Variants in RYR1 observed in about 807,000 individuals in gnomAD.
The protein encoded by RYR1 is ryanodine receptor 1.
Under a neutral mutation model 583.5 loss-of-function variants are expected in RYR1, and 342 were observed. The observed-to-expected ratio is 0.59, with a 90% CI of 0.54 to 0.64. The LOEUF (loss-of-function observed/expected upper bound fraction) is 0.64. Among genes scored for constraint, RYR1 ranks in the 30% least tolerant of loss-of-function variants. The pLI is 0.00. For missense variants in RYR1, 6,032 were observed against 6,917.2 expected (o/e 0.87, Z 4.54); for synonymous variants, 2,791 against 2,822.5 (o/e 0.99, Z 0.35).
At chr19:38,585,369 G>GATAGATAGATATATATATATATATATAT (rs1890244817) in intron 102 of RYR1, among the ~76,000 whole-genome samples, 1 of 141,066 alleles carries the variant, frequency 7.1e-6, no homozygotes, top group African/African-American at 2.6e-5. Context: ...AAAGGCCTGA[G>GATAGATAGATATATATATATATATATAT]ATATATATAT....
chr19:38,515,137 G>T, intron 64 of RYR1, 30 bp downstream of exon 64: 1 of 1,467,588 alleles, frequency 6.8e-7, no homozygotes, highest in South Asian at 1.1e-5. Flanking sequence ...GTTTGGGGCT[G>T]GGTGGGGCTG....
rs1442891066 is a variant in RYR1, at chr19:38,572,069, G to A, written c.13797G>A (p.Gly4599=). ...ACGACATGGAAGGCTCAGCTGCTGGGGATGTGTCAGGTGCAGGCTCTGGTG... is the reference window on the plus strand; with the variant it reads ...ACGACATGGAAGGCTCAGCTGCTGGAGATGTGTCAGGTGCAGGCTCTGGTG... ...GEDDMEGSAA[G]DVSGAGSGGS... Residue 4599 remains glycine (G), a synonymous_variant, in exon 95 of 106, where the codon GGG becomes GGA. Transcript: ENST00000359596. 1.9e-6 allele frequency: 3 copies of A among 1,614,028 alleles called. No individual in the cohort carries two copies. The highest frequency in any genetic ancestry group is 3.3e-5 in the Admixed American group (2 of 59,988).
At chr19:38,538,422 T>A (rs1972067887) in intron 84 of RYR1, 1 of 178,560 alleles carries the variant, frequency 5.6e-6, no homozygotes, top group Non-Finnish European at 1.2e-5. Context: ...CGCTGGAATT[T>A]CTGGAATCTA....
At chr19:38,551,653 C>T (rs1313401124) in intron 89 of RYR1, among the ~76,000 whole-genome samples, 1 of 152,148 alleles carries the variant, frequency 6.6e-6, no homozygotes, top group Non-Finnish European at 1.5e-5. Flanking sequence ...CATCAGTGAC[C>T]TCTTTACCTC....
chr19:38,487,265 C>T (rs1376270682), intron 34 of RYR1, among the ~76,000 whole-genome samples: 4 of 152,178 alleles, frequency 2.6e-5, no homozygotes, highest in African/African-American at 9.7e-5. Flanking sequence ...CGTTCCCTAT[C>T]CTTCTCTCCA....
intron 93 of RYR1, among the ~76,000 whole-genome samples, chr19:38,568,511 G>A (rs1329678366): frequency 1.3e-5 from 2 of 151,136 alleles, no homozygotes; most frequent in Non-Finnish European, 1.5e-5. Flanking sequence ...CGAGGCAGGC[G>A]GATCGCCTGA....
intron 11 of RYR1, among the ~76,000 whole-genome samples, 153 bp downstream of exon 11, chr19:38,448,966 T>C (rs1349434947): frequency 6.6e-6 from 1 of 151,330 alleles, no homozygotes; most frequent in Non-Finnish European, 1.5e-5. Context: ...GGGGTGGTGC[T>C]TGAGACCTTG....
chr19:38,467,425 G>T (rs1968168017), intron 24 of RYR1, among the ~76,000 whole-genome samples, 185 bp from the exon 25 acceptor site: 1 of 152,058 alleles, frequency 6.6e-6, no homozygotes, highest in Non-Finnish European at 1.5e-5. Flanking sequence ...CTCTCAACAG[G>T]TCCCTGCCTC....
Position 38,526,482 on chromosome 19 carries a change from G to A in RYR1, c.10627-511G>A, listed in dbSNP as rs116190763. ...CAGGACTGCTGAGTCCTGCCAGGACGCCAGAGAGCCCTCCAGGGCTCCATG... is the reference window on the plus strand; with the variant it reads ...CAGGACTGCTGAGTCCTGCCAGGACACCAGAGAGCCCTCCAGGGCTCCATG... On this transcript the variant is annotated intron_variant, in intron 71 of 105. Coordinates refer to ENST00000359596, the MANE Select transcript of RYR1 (RefSeq NM_000540.3). 5.0e-3 allele frequency among the ~76,000 whole-genome samples: 761 copies of A among 151,746 alleles called. 5 individuals are homozygous for A. The highest frequency in any genetic ancestry group is 0.018 in the African/African-American group (726 of 41,340).
At chr19:38,535,796 T>C in intron 81 of RYR1, 1 of 649,194 alleles carries the variant, frequency 1.5e-6, no homozygotes, top group Non-Finnish European at 2.8e-6. Flanking sequence ...CCTCATTATT[T>C]CAGCTTGCGC....
Position 38,477,887 on chromosome 19 carries a change from G to GGT in RYR1, c.4454+17_4454+18insGT. On this transcript the variant is annotated intron_variant, in intron 30 of 105. Transcript: ENST00000359596. ...CCACAGCAGGTGCCGGGGCTGGGGG[G>GGT]AGGTGGGAGGTGCAGGGTGGGGAGG... 1 of 1,366,496 alleles carries GGT rather than the reference G, an allele frequency of 7.3e-7. No homozygotes were observed. Among genetic ancestry groups the GGT allele is most frequent in the Non-Finnish European group, 1.0e-6 (1 of 974,418 alleles). 84.6% of individuals were successfully genotyped at this position (1,366,496 alleles called of 1,614,324 possible). A position where few individuals can be genotyped will look rare whatever the true frequency, so the allele number is the denominator to read the frequency against.
chr19:38,505,940 T>C lies in RYR1; in HGVS notation c.8535T>C (p.Ser2845=). Residue 2845 remains serine (S), a synonymous_variant, in exon 54 of 106, where the codon AGT becomes AGC. Transcript: ENST00000359596. ...AAAAAACGCGGAAGATATCACAAAG[T>C]GCCCAGGTGAAGGCGGGGCCTGGGT... ...EKKKTRKISQ[S]AQTYDPREGY... is the part of the protein sequence containing the mutation. 1 of 1,602,120 alleles carries C rather than the reference T, an allele frequency of 6.2e-7. No individual in the cohort carries two copies. The highest frequency in any genetic ancestry group is 8.5e-7 in the Non-Finnish European group (1 of 1,175,494).
chr19:38,509,723 C>T (rs1028364417), intron 58 of RYR1, among the ~76,000 whole-genome samples: 7 of 151,602 alleles, frequency 4.6e-5, no homozygotes, highest in Non-Finnish European at 8.9e-5. Context: ...TCCCAAAGTG[C>T]TGGGATTACA....
intron 21 of RYR1, 60 bp downstream of exon 21, chr19:38,463,587 G>A (rs892207150): frequency 1.7e-5 from 27 of 1,556,294 alleles, no homozygotes; most frequent in Non-Finnish European, 2.1e-5. Context: ...AGGAGGGAGA[G>A]CGGCTCACCG....
At position 38,517,664 on chromosome 19, in the gene RYR1, G is replaced by A. The variant is rs754426488; in HGVS notation, c.9991G>A (p.Glu3331Lys). 9.9e-6 allele frequency: 16 copies of A among 1,614,008 alleles called. No individual in the cohort carries two copies. The highest frequency in any genetic ancestry group is 2.2e-5 in the East Asian group (1 of 44,890). Residue 3331 changes from glutamate to lysine, a missense_variant, in exon 66 of 106, where the codon GAG (glutamate) becomes AAG (lysine). Transcript: ENST00000359596. Reference sequence around the variant, plus strand: ...CATCGTCAACAACCTGGGCATTGACGAGGCCTCCTGGATGAAGCGGCTGGC... The same window carrying A: ...CATCGTCAACAACCTGGGCATTGACAAGGCCTCCTGGATGAAGCGGCTGGC... ...RIIVNNLGID[E>K]ASWMKRLAVF...
At position 38,483,525 on chromosome 19, in the gene RYR1, C is replaced by T. The variant is rs1398390941; in HGVS notation, c.4934+9C>T. 1 of 1,541,282 alleles carries T rather than the reference C, an allele frequency of 6.5e-7. No homozygotes were observed. Among genetic ancestry groups the T allele is most frequent in the Non-Finnish European group, 8.7e-7 (1 of 1,147,864 alleles). On this transcript the variant is annotated intron_variant, in intron 33 of 105. Coordinates refer to ENST00000359596, the MANE Select transcript of RYR1 (RefSeq NM_000540.3). This position sits in a 1 kb window ranked among gnomAD's most constrained non-coding sequence, Gnocchi z 6.3. Reference sequence around the variant, plus strand: ...ATCCCCGAGGAGAACCGGTCAGGGCCAGCCCAGCTATGCAGGGGTGGGCAG... The same window carrying T: ...ATCCCCGAGGAGAACCGGTCAGGGCTAGCCCAGCTATGCAGGGGTGGGCAG...
At chr19:38,555,380 C>T (rs1243095598) in intron 89 of RYR1, among the ~76,000 whole-genome samples, 1 of 149,430 alleles carries the variant, frequency 6.7e-6, no homozygotes, top group Non-Finnish European at 1.5e-5. Context: ...AAGTTGAGGT[C>T]GCAGTGAGTC....
intron 33 of RYR1, among the ~76,000 whole-genome samples, chr19:38,485,207 C>T (rs1269846675): frequency 6.6e-6 from 1 of 152,138 alleles, no homozygotes; most frequent in Non-Finnish European, 1.5e-5. Context: ...GACTCTCAGA[C>T]TCTTACGAAG....
At chr19:38,580,757 G>A (rs1974167362) in intron 101 of RYR1, among the ~76,000 whole-genome samples, 1 of 152,150 alleles carries the variant, frequency 6.6e-6, no homozygotes, top group East Asian at 1.9e-4. Flanking sequence ...TAAGGCAAGA[G>A]GATCACTTGG....
Sources: gnomAD v4.1 joint callset for allele counts (sites outside exome capture counted in the v4.1 genomes callset) on GRCh38, gnomAD v4.1.1 for gene constraint, Gnocchi (gnomAD v3.1) non-coding constraint, MANE v1.5 for transcripts, NCBI Gene and HGNC (gene_info 2026-07-23, HGNC 2026-07-21) for gene names.